Variants in PIGL observed in about 807,000 individuals in gnomAD.
The protein encoded by PIGL is N-acetylglucosaminyl-phosphatidylinositol de-N-acetylase.
Under a neutral mutation model 31.1 loss-of-function variants are expected in PIGL, and 22 were observed. That is an observed-to-expected ratio of 0.71 (90% CI 0.51 to 1.01). The LOEUF is 1.01. Among genes scored for constraint, PIGL ranks in the 50% least tolerant of loss-of-function variants. The pLI, the probability that PIGL is intolerant of heterozygous loss-of-function variation, is 0.00. For missense variants in PIGL, 302 were observed against 315.9 expected, an observed-to-expected ratio of 0.96 and a Z score of 0.33; for synonymous variants, 131 against 117.4, an observed-to-expected ratio of 1.12 and a Z score of -0.75.
At chr17:16,310,943 CCTCTG>C (rs1307686118) in intron 3 of PIGL, among the ~76,000 whole-genome samples, 1 of 152,208 alleles carries the variant, frequency 6.6e-6, no homozygotes, top group Non-Finnish European at 1.5e-5. Flanking sequence ...ACAGCTTCGG[CCTCTG>C]CTTCCTGAAC....
At chr17:16,236,652 C>T (rs906245047) in intron 2 of PIGL, among the ~76,000 whole-genome samples, 4 of 152,156 alleles carry the variant, frequency 2.6e-5, no homozygotes, top group African/African-American at 9.7e-5. Flanking sequence ...ACTGTAGCCT[C>T]TGCCTCCCTG....
intron 6 of PIGL, among the ~76,000 whole-genome samples, chr17:16,318,808 G>A (rs2093090117): frequency 6.6e-6 from 1 of 151,884 alleles, no homozygotes; most frequent in Non-Finnish European, 1.5e-5. Context: ...GCATGCACCT[G>A]TAGTTCCAGC....
At chr17:16,304,214 A>G (rs1025676645) in intron 3 of PIGL, among the ~76,000 whole-genome samples, 1 of 152,232 alleles carries the variant, frequency 6.6e-6, no homozygotes, top group African/African-American at 2.4e-5. Flanking sequence ...TTTCAACTGC[A>G]CACAAGAGAT....
At chr17:16,272,051 A>T (rs1185516471) in intron 2 of PIGL, among the ~76,000 whole-genome samples, 1 of 152,196 alleles carries the variant, frequency 6.6e-6, no homozygotes, top group African/African-American at 2.4e-5. Flanking sequence ...TTTAACTGGC[A>T]TCTGCTATTG....
intron 3 of PIGL, among the ~76,000 whole-genome samples, chr17:16,307,152 C>T (rs1217504406): frequency 6.6e-6 from 1 of 152,190 alleles, no homozygotes; most frequent in Non-Finnish European, 1.5e-5. Context: ...CCTGAATTCA[C>T]CTAAACTGGT....
chr17:16,323,475 C>T (rs1239377807), intron 6 of PIGL, among the ~76,000 whole-genome samples: 2 of 151,742 alleles, frequency 1.3e-5, no homozygotes, highest in African/African-American at 4.8e-5. Context: ...CTCAGGTGAT[C>T]CTCCCACCTC....
At chr17:16,307,159 TG>T (rs2142849340) in intron 3 of PIGL, among the ~76,000 whole-genome samples, 1 of 152,340 alleles carries the variant, frequency 6.6e-6, no homozygotes, top group African/African-American at 2.4e-5. Context: ...TCACCTAAAC[TG>T]GTGCTGACTC....
In PIGL at chr17:16,320,275, G is replaced by A. The variant is rs550178453; in HGVS notation, c.660+2367G>A. On this transcript the variant is annotated intron_variant, in intron 6 of 6. Coordinates refer to ENST00000225609, the MANE Select transcript of PIGL (RefSeq NM_004278.4). Reference sequence around the variant, plus strand: ...GAAAGGAGGGAGGAAGGGGAGGAGAGGGGAGGGGAGGGAGGGAGGAAGGGG... The same window carrying A: ...GAAAGGAGGGAGGAAGGGGAGGAGAAGGGAGGGGAGGGAGGGAGGAAGGGG... 2.2e-3 allele frequency among the ~76,000 whole-genome samples: 257 copies of A among 115,976 alleles called. 1 individual carries two copies. The highest frequency in any genetic ancestry group is 5.1e-3 in the Middle Eastern group (1 of 196). 76.1% of individuals were successfully genotyped at this position (115,976 alleles called of 152,430 possible).
At chr17:16,270,233 G>A (rs1488323365) in intron 2 of PIGL, among the ~76,000 whole-genome samples, 1 of 151,032 alleles carries the variant, frequency 6.6e-6, no homozygotes, top group Admixed American at 6.6e-5. Context: ...AGGTTGCAGT[G>A]AGCCGAGCTT....
At chr17:16,299,779 C>CT in intron 2 of PIGL, 109 bp from the exon 3 acceptor site, 1 of 780,424 alleles carries the variant, frequency 1.3e-6, no homozygotes, top group Non-Finnish European at 2.3e-6. Flanking sequence ...GGGCAGGGAC[C>CT]CTTACCCCCA....
rs140251593 is a variant in PIGL at position 16,320,127 on chromosome 17, G to T, written c.660+2219G>T. Among the ~76,000 whole-genome samples the T allele has an allele frequency of 1.2e-3, 183 of 149,914 alleles. 3 individuals carry two copies. Among genetic ancestry groups the T allele is most frequent in the African/African-American group, 4.3e-3 (174 of 40,628 alleles). On this transcript the variant is annotated intron_variant, in intron 6 of 6. Transcript: ENST00000225609. ...ACAGCTTTATTAGGAAAAAGGGAAG[G>T]GGAAGGGGAAAGGGAAGGGAGAGAG...
At chr17:16,252,177 G>T (rs1030928426) in intron 2 of PIGL, among the ~76,000 whole-genome samples, 2 of 151,198 alleles carry the variant, frequency 1.3e-5, no homozygotes, top group Non-Finnish European at 2.9e-5. Flanking sequence ...AGGTTCAAGC[G>T]ATGCTCCTGC....
intron 2 of PIGL, among the ~76,000 whole-genome samples, chr17:16,280,279 A>T (rs571916462): frequency 2.0e-4 from 31 of 152,354 alleles, no homozygotes; most frequent in African/African-American, 7.2e-4. Flanking sequence ...TAAGGGTCCT[A>T]TAAGACTGGA....
intron 1 of PIGL, among the ~76,000 whole-genome samples, chr17:16,228,447 C>T (rs1011941934): frequency 1.5e-4 from 22 of 151,628 alleles, no homozygotes; most frequent in African/African-American, 5.3e-4. Flanking sequence ...TGCAGTGGCG[C>T]GATGTACGCT....
intron 2 of PIGL, among the ~76,000 whole-genome samples, chr17:16,257,294 G>A (rs1023387929): frequency 1.1e-4 from 16 of 152,082 alleles, no homozygotes; most frequent in East Asian, 1.9e-4. Flanking sequence ...GCGGGCGCCT[G>A]TAATCCCAGC....
intron 2 of PIGL, among the ~76,000 whole-genome samples, chr17:16,277,373 G>A (rs1600813403): frequency 6.6e-6 from 1 of 152,172 alleles, no homozygotes; most frequent in Non-Finnish European, 1.5e-5. Context: ...GGAGAAATTG[G>A]GCAGAGAGAA....
At chr17:16,222,919 G>T (rs969607246) in intron 1 of PIGL, among the ~76,000 whole-genome samples, 1 of 152,074 alleles carries the variant, frequency 6.6e-6, no homozygotes, top group Non-Finnish European at 1.5e-5. Context: ...GGCTGAGACA[G>T]GAGAATCGCT....
At chr17:16,296,471 A>G (rs932320439) in intron 2 of PIGL, among the ~76,000 whole-genome samples, 2 of 151,782 alleles carry the variant, frequency 1.3e-5, no homozygotes, top group African/African-American at 2.4e-5. Context: ...TTAGCTGAGC[A>G]TGGTGGCAGG....
intron 1 of PIGL, among the ~76,000 whole-genome samples, chr17:16,227,428 T>C (rs1388132577): frequency 6.6e-6 from 1 of 152,020 alleles, no homozygotes; most frequent in Non-Finnish European, 1.5e-5. Context: ...GCAATTTCAT[T>C]AGTAAGAGTC....
Sources: allele counts gnomAD v4.1 joint callset (sites outside exome capture counted in the v4.1 genomes callset), GRCh38; gene constraint gnomAD v4.1.1; transcripts MANE v1.5; gene names NCBI Gene and HGNC (gene_info 2026-07-23, HGNC 2026-07-21).